The following LSAMP variants were observed in gnomAD, a reference collection of about 807,000 sequenced individuals.
LSAMP encodes the protein limbic system associated membrane protein.
In LSAMP, 7 loss-of-function variants were observed where a neutral mutation model predicts 38.6. That is an observed-to-expected ratio of 0.18 (90% confidence interval 0.10 to 0.34). LSAMP has a LOEUF of 0.34. LSAMP is among the 10% of genes least tolerant of loss of function. The pLI, the probability that LSAMP is intolerant of heterozygous loss-of-function variation, is 1.00. For synonymous variants in LSAMP, 154 were observed against 166.8 expected, an observed-to-expected ratio of 0.92 and a Z score of 0.59; for missense variants, 313 against 420.0, an observed-to-expected ratio of 0.75 and a Z score of 2.23.
chr3:115,953,971 C>T (rs1480014848), intron 3 of LSAMP, among the ~76,000 whole-genome samples: 1 of 152,114 alleles, frequency 6.6e-6, no homozygotes, highest in Non-Finnish European at 1.5e-5. Context: ...TCCTCCTTAG[C>T]TAAAGCAAAT....
intron 1 of LSAMP, among the ~76,000 whole-genome samples, chr3:116,429,606 G>A (rs1023203736): frequency 6.6e-6 from 1 of 152,010 alleles, no homozygotes; most frequent in African/African-American, 2.4e-5. Flanking sequence ...TACGACCACC[G>A]CCACTACATT....
chr3:116,013,155 C>T (rs754927095), intron 3 of LSAMP, among the ~76,000 whole-genome samples: 1 of 152,140 alleles, frequency 6.6e-6, no homozygotes, highest in Non-Finnish European at 1.5e-5. Context: ...TCTGATGACA[C>T]GTGTGTAGGG....
chr3:116,086,525 C>A lies in LSAMP; in HGVS notation c.187G>T (p.Ala63Ser). ...CVVEDKNSKVAWLNRSGIIFA... is the reference protein window; with the variant it reads ...CVVEDKNSKVSWLNRSGIIFA... The stretch of plus-strand genomic sequence containing the variant: ...ATGATGCCAGAACGGTTCAACCAGG[C>A]CACCTTTGAGTTCTTGTCTTCTACA... The change falls in exon 2 of 7, where the codon GCC becomes TCC. Residue 63 changes from alanine to serine, a missense_variant. Transcript: ENST00000490035. The A allele has an allele frequency of 6.2e-7, 1 of 1,614,138 alleles. No homozygotes were observed. Among genetic ancestry groups the A allele is most frequent in the Non-Finnish European group, 8.5e-7 (1 of 1,180,000 alleles).
chr3:116,091,259 T>G (rs1395201445), intron 1 of LSAMP, among the ~76,000 whole-genome samples: 1 of 152,250 alleles, frequency 6.6e-6, no homozygotes, highest in East Asian at 1.9e-4. Flanking sequence ...TAAGGTTATC[T>G]CTCATATTCC....
intron 3 of LSAMP, among the ~76,000 whole-genome samples, chr3:115,996,991 C>G (rs1440142961): frequency 6.6e-6 from 1 of 152,076 alleles, no homozygotes; most frequent in Non-Finnish European, 1.5e-5. Flanking sequence ...CACGTACCGA[C>G]TAGAGTGACC....
At chr3:115,866,603 A>T (rs188154431) in intron 3 of LSAMP, among the ~76,000 whole-genome samples, 90 of 152,190 alleles carry the variant, frequency 5.9e-4, no homozygotes, top group Non-Finnish European at 9.3e-4. Context: ...AGAGTAAGTT[A>T]ATCTGTAAAT....
intron 2 of LSAMP, among the ~76,000 whole-genome samples, chr3:116,058,845 A>T (rs1356290874): frequency 2.6e-5 from 4 of 152,178 alleles, no homozygotes; most frequent in African/African-American, 9.6e-5. Flanking sequence ...TGTTTCTAAG[A>T]CACATACAGG....
At chr3:115,914,490 A>C (rs553604566) in intron 3 of LSAMP, among the ~76,000 whole-genome samples, 4 of 152,276 alleles carry the variant, frequency 2.6e-5, no homozygotes, top group African/African-American at 9.6e-5. Context: ...CTTTCCACCC[A>C]GTGTCTCTAA....
At chr3:116,270,860 A>AACTT (rs781229232) in intron 1 of LSAMP, among the ~76,000 whole-genome samples, 4 of 152,138 alleles carry the variant, frequency 2.6e-5, no homozygotes, top group South Asian at 2.1e-4. Flanking sequence ...AAAATACTGT[A>AACTT]ACTTAAGTCA....
intron 1 of LSAMP, among the ~76,000 whole-genome samples, chr3:116,365,930 G>C (rs1467994330): frequency 2.0e-5 from 2 of 97,778 alleles, no homozygotes; most frequent in Non-Finnish European, 3.9e-5. Context: ...ACATTAGTGG[G>C]TGCAGCGCAC....
intron 3 of LSAMP, among the ~76,000 whole-genome samples, chr3:115,920,126 A>G (rs1228581856): frequency 1.3e-5 from 2 of 152,218 alleles, no homozygotes; most frequent in Non-Finnish European, 2.9e-5. Context: ...GGCTATTACA[A>G]ATAATGTTGC....
At chr3:115,945,466 A>G (rs1292949217) in intron 3 of LSAMP, among the ~76,000 whole-genome samples, 2 of 152,122 alleles carry the variant, frequency 1.3e-5, no homozygotes, top group Non-Finnish European at 2.9e-5. Flanking sequence ...CAGATATTGT[A>G]AAGGGGTGAG....
At chr3:115,857,520 CAG>C (rs1935546279) in intron 3 of LSAMP, among the ~76,000 whole-genome samples, 1 of 152,162 alleles carries the variant, frequency 6.6e-6, no homozygotes, top group South Asian at 2.1e-4. Context: ...TTTGCCCTTA[CAG>C]AAATGTTTAC....
At chr3:116,249,520 G>A (rs1197319343) in intron 1 of LSAMP, among the ~76,000 whole-genome samples, 1 of 151,908 alleles carries the variant, frequency 6.6e-6, no homozygotes, top group Non-Finnish European at 1.5e-5. Flanking sequence ...TGAGTAGCTG[G>A]GATTACAGGT....
intron 3 of LSAMP, among the ~76,000 whole-genome samples, chr3:115,873,058 A>G (rs1936088661): frequency 6.6e-6 from 1 of 152,134 alleles, no homozygotes; most frequent in Non-Finnish European, 1.5e-5. Flanking sequence ...ATATAAAGCT[A>G]CAAATTAGTG....
chr3:116,209,143 G>A (rs2046115560), intron 1 of LSAMP, among the ~76,000 whole-genome samples: 1 of 152,154 alleles, frequency 6.6e-6, no homozygotes, highest in Non-Finnish European at 1.5e-5. Context: ...GCAGTATTCG[G>A]GTGGGAGTGA....
At chr3:115,852,741 C>G (rs1169605295) in intron 3 of LSAMP, 124 bp from the exon 4 acceptor site, 10 of 962,810 alleles carry the variant, frequency 1.0e-5, no homozygotes, top group Non-Finnish European at 1.5e-5. Flanking sequence ...TGTACTTTGT[C>G]TGACATCAGA....
intron 1 of LSAMP, among the ~76,000 whole-genome samples, chr3:116,388,579 G>A (rs549739573): frequency 1.3e-5 from 2 of 152,110 alleles, no homozygotes; most frequent in South Asian, 4.1e-4. Context: ...TAGAATACAC[G>A]CTGCATCTCT....
chr3:115,860,359 C>T (rs1199712568), intron 3 of LSAMP, among the ~76,000 whole-genome samples: 1 of 152,226 alleles, frequency 6.6e-6, no homozygotes, highest in Non-Finnish European at 1.5e-5. Context: ...ATGTTCCGAA[C>T]TAAGCATGCC....
Sources: gnomAD v4.1 joint callset for allele counts (sites outside exome capture counted in the v4.1 genomes callset) on GRCh38, gnomAD v4.1.1 for gene constraint, MANE v1.5 for transcripts, NCBI Gene and HGNC (gene_info 2026-07-23, HGNC 2026-07-21) for gene names.